RYR2: variants seen among roughly 807,000 people sequenced by gnomAD.
RYR2 encodes cardiac muscle ryanodine receptor-calcium release channel.
RYR2 carries 227 observed loss-of-function variants against 601.1 expected under a neutral mutation model. The observed-to-expected ratio is 0.38, with a 90% CI of 0.34 to 0.42. The LOEUF is 0.42. RYR2 is among the 10% of genes least tolerant of loss of function. The probability of loss-of-function intolerance (pLI) is 1.00; values close to 1 mark genes in which losing one functional copy is unlikely to be tolerated. For missense variants in RYR2, 4,646 were observed against 6,156.5 expected (o/e 0.75, Z 8.21); for synonymous variants, 2,223 against 2,175.1 (o/e 1.02, Z -0.61).
chr1:237,648,391 C>T, intron 48 of RYR2, 53 bp from the exon 49 acceptor site: 2 of 1,373,556 alleles, frequency 1.5e-6, no homozygotes, highest in Non-Finnish European at 1.9e-6. Flanking sequence ...CATTTGTAAT[C>T]TATCCTGTAT....
intron 36 of RYR2, 50 bp downstream of exon 36, chr1:237,611,038 C>G (rs1428162671): frequency 2.0e-6 from 3 of 1,528,652 alleles, no homozygotes; most frequent in East Asian, 4.7e-5. Flanking sequence ...TTGGGATTAG[C>G]CTGCTGCCCG....
intron 1 of RYR2, among the ~76,000 whole-genome samples, chr1:237,232,972 G>C (rs1685157694): frequency 6.6e-6 from 1 of 152,198 alleles, no homozygotes; most frequent in South Asian, 2.1e-4. Context: ...AATTATGCTT[G>C]AATGTGTTTC....
intron 74 of RYR2, 88 bp from the exon 75 acceptor site, chr1:237,726,185 T>G (rs573605069): frequency 1.1e-6 from 1 of 900,486 alleles, no homozygotes; most frequent in African/African-American, 1.7e-5. Flanking sequence ...CTTCAGACAT[T>G]ATTACAATCA....
intron 14 of RYR2, among the ~76,000 whole-genome samples, chr1:237,449,834 A>G (rs998166024): frequency 6.8e-6 from 1 of 148,054 alleles, no homozygotes; most frequent in African/African-American, 2.5e-5. Context: ...ATGCCTGGTT[A>G]TTTTTGTTTA....
Position 237,771,167 on chromosome 1 carries a change from G to A in RYR2, c.11557+280G>A, listed in dbSNP as rs1694240332. Among the ~76,000 whole-genome samples the A allele has an allele frequency of 2.6e-5, 4 of 152,216 alleles. No individual in the cohort carries two copies. The South Asian group carries it at 6.2e-4, about 24-fold the overall frequency. On this transcript the variant is annotated intron_variant, in intron 85 of 104. Coordinates refer to ENST00000366574, the MANE Select transcript of RYR2 (RefSeq NM_001035.3). ...GCTCACCTGTAATCCCAACACTTTG[G>A]GAGGCCGAGGTGGGAGGATTGCTTG...
intron 1 of RYR2, among the ~76,000 whole-genome samples, chr1:237,200,317 G>T (rs572103705): frequency 1.3e-4 from 20 of 151,766 alleles, no homozygotes; most frequent in African/African-American, 4.8e-4. Flanking sequence ...GGGTTGGAGT[G>T]CAGTGAGCAT....
At position 237,711,816 on chromosome 1, in the gene RYR2, T is replaced by C. The variant is rs775183266; in HGVS notation, c.10302T>C (p.Asp3434=). The C allele has an allele frequency of 2.7e-6, 4 of 1,499,324 alleles. No individual in the cohort carries two copies. The highest frequency in any genetic ancestry group is 2.3e-5 in the East Asian group (1 of 44,240). The allele number at this position is 1,499,324 out of a possible 1,614,324, so 92.9% of individuals were successfully genotyped here. A position where few individuals can be genotyped will look rare whatever the true frequency, so the allele number is the denominator to read the frequency against. Residue 3434 remains aspartate, a synonymous_variant, in exon 71 of 105, where the codon GAT becomes GAC. Coordinates refer to ENST00000366574, the MANE Select transcript of RYR2 (RefSeq NM_001035.3). ...EINNMSFLIT[D]TKSKMSKAAV... is the part of the protein sequence containing the mutation. ...ACAATATGTCTTTCCTTATTACTGA[T>C]ACCAAGTCAAAGATGTCAAAGGTAT...
intron 25 of RYR2, among the ~76,000 whole-genome samples, chr1:237,538,586 A>ACATG (rs1474940796): frequency 6.6e-6 from 1 of 151,656 alleles, no homozygotes; most frequent in Non-Finnish European, 1.5e-5. Flanking sequence ...AGCCCGGCCA[A>ACATG]CATGGTGAAA....
intron 27 of RYR2, among the ~76,000 whole-genome samples, chr1:237,563,880 G>A (rs1017146996): frequency 1.3e-5 from 2 of 152,010 alleles, no homozygotes; most frequent in African/African-American, 4.8e-5. Context: ...AGAGAACCTG[G>A]TATTTTTCAG....
chr1:237,628,070 C>G lies in RYR2; in HGVS notation c.6430C>G (p.Arg2144Gly). 6.2e-7 allele frequency: 1 copy of G among 1,613,484 alleles called. No homozygotes were observed. Among genetic ancestry groups the G allele is most frequent in the Non-Finnish European group, 8.5e-7 (1 of 1,179,722 alleles). Residue 2144 changes from arginine (R) to glycine (G), a missense_variant, in exon 41 of 105, where the codon CGT becomes GGT. Transcript: ENST00000366574. ...CAAAGAAGAAGAGAAGCTCATGATT[C>G]GTGGATTAGGGTAAATTATTTAACT... ...MGKEEEKLMIRGLGDIMNNKV... is the reference protein window; with the variant it reads ...MGKEEEKLMIGGLGDIMNNKV...
At chr1:237,473,328 G>A (rs1660952022) in intron 17 of RYR2, among the ~76,000 whole-genome samples, 1 of 152,008 alleles carries the variant, frequency 6.6e-6, no homozygotes, top group Middle Eastern at 3.2e-3. Flanking sequence ...GGAGGCCGAG[G>A]CATGAGAATC....
intron 71 of RYR2, among the ~76,000 whole-genome samples, chr1:237,716,105 C>T (rs1252430173): frequency 6.6e-6 from 1 of 151,994 alleles, no homozygotes; most frequent in African/African-American, 2.4e-5. Flanking sequence ...TATAACACTT[C>T]AATATGTAGT....
At chr1:237,713,057 T>C (rs901118587) in intron 71 of RYR2, among the ~76,000 whole-genome samples, 1 of 152,172 alleles carries the variant, frequency 6.6e-6, no homozygotes, top group Non-Finnish European at 1.5e-5. Context: ...AGAATGGTAT[T>C]GCTTGGTAGG....
Position 237,661,914 on chromosome 1 carries a change from C to T in RYR2, c.8436+967C>T, listed in dbSNP as rs77687614. Among the ~76,000 whole-genome samples, 721 of 152,210 alleles carry T rather than the reference C, an allele frequency of 4.7e-3. 3 individuals are homozygous for T. Among genetic ancestry groups the T allele is most frequent in the East Asian group, 0.021 (107 of 5,160 alleles). The stretch of plus-strand genomic sequence containing the variant: ...AATACCACCCGTTAACATTTAGTCA[C>T]GAGGTCATGTGAGCTGCTTACCTTT... On this transcript the variant is annotated intron_variant, in intron 56 of 104. Transcript: ENST00000366574.
intron 1 of RYR2, among the ~76,000 whole-genome samples, chr1:237,046,494 G>C (rs1461051822): frequency 2.6e-5 from 4 of 152,150 alleles, no homozygotes; most frequent in African/African-American, 7.2e-5. Flanking sequence ...GAAGCTACGA[G>C]GAGCTTTAGA....
intron 1 of RYR2, among the ~76,000 whole-genome samples, chr1:237,191,966 A>G (rs1432360989): frequency 6.6e-6 from 1 of 152,188 alleles, no homozygotes; most frequent in African/African-American, 2.4e-5. Context: ...CTAATTAACA[A>G]CAGTGATACC....
intron 29 of RYR2, among the ~76,000 whole-genome samples, chr1:237,570,377 C>T (rs1340967206): frequency 3.4e-5 from 5 of 147,154 alleles, no homozygotes; most frequent in Admixed American, 6.8e-5. Flanking sequence ...TTGCTCTTGT[C>T]GCCCGGGCTG....
At chr1:237,556,312 T>G (rs1419719215) in intron 27 of RYR2, among the ~76,000 whole-genome samples, 1 of 132,244 alleles carries the variant, frequency 7.6e-6, no homozygotes, top group Non-Finnish European at 1.6e-5. Context: ...ATTATTATTA[T>G]TAGTTGAGAT....
At chr1:237,646,018 A>G in intron 48 of RYR2, among the ~76,000 whole-genome samples, 1 of 151,314 alleles carries the variant, frequency 6.6e-6, no homozygotes, top group South Asian at 2.1e-4. Flanking sequence ...CTGGGACTAC[A>G]GGCGCCCGCC....
Sources: gnomAD v4.1 joint callset for allele counts (sites outside exome capture counted in the v4.1 genomes callset) on GRCh38, gnomAD v4.1.1 for gene constraint, MANE v1.5 for transcripts, NCBI Gene and HGNC (gene_info 2026-07-23, HGNC 2026-07-21) for gene names.